DAB1: variants seen among roughly 807,000 people sequenced by gnomAD.
The protein encoded by DAB1 is disabled homolog 1.
In DAB1, 15 loss-of-function variants were observed where a neutral mutation model predicts 64.6. That is an observed-to-expected ratio of 0.23 (90% CI 0.16 to 0.36). The LOEUF is 0.36. Among genes scored for constraint, DAB1 ranks in the 10% least tolerant of loss-of-function variants. DAB1 has a pLI of 1.00. For synonymous variants in DAB1, 235 were observed against 251.9 expected (o/e 0.93, Z 0.64); for missense variants, 596 against 706.7 (o/e 0.84, Z 1.78).
intron 5 of DAB1, among the ~76,000 whole-genome samples, chr1:57,948,433 T>C (rs545641318): frequency 3.0e-4 from 45 of 152,342 alleles, no homozygotes; most frequent in Middle Eastern, 3.4e-3. Context: ...GAATTGGAAA[T>C]GGCTCTTGTG....
At chr1:57,547,116 G>T (rs1474511904) in intron 7 of DAB1, among the ~76,000 whole-genome samples, 1 of 149,350 alleles carries the variant, frequency 6.7e-6, no homozygotes, top group Non-Finnish European at 1.5e-5. Context: ...AGAAGGCAAG[G>T]GGGAGAGAGA....
At chr1:58,180,855 T>C (rs961024178) in intron 4 of DAB1, among the ~76,000 whole-genome samples, 2 of 152,220 alleles carry the variant, frequency 1.3e-5, no homozygotes, top group Non-Finnish European at 2.9e-5. Context: ...ACTTCAATTA[T>C]TTTCAATTTA....
intron 3 of DAB1, among the ~76,000 whole-genome samples, chr1:58,491,979 A>C (rs1645702072): frequency 6.6e-6 from 1 of 152,196 alleles, no homozygotes; most frequent in East Asian, 1.9e-4. Context: ...TCAGCACCAC[A>C]CCACACCTAT....
chr1:58,358,693 T>A (rs1644133696), intron 3 of DAB1, among the ~76,000 whole-genome samples: 2 of 152,176 alleles, frequency 1.3e-5, no homozygotes, highest in African/African-American at 4.8e-5. Context: ...GCCTCCCAAC[T>A]GAGAACTGTT....
At chr1:57,196,573 G>A (rs749553438) in intron 2 of DAB1, among the ~76,000 whole-genome samples, 9 of 152,232 alleles carry the variant, frequency 5.9e-5, no homozygotes, top group South Asian at 2.1e-4. Context: ...CAACACGGGT[G>A]TAGGCAATCC....
chr1:57,480,752 T>C (rs1644007511), intron 7 of DAB1, among the ~76,000 whole-genome samples: 2 of 152,164 alleles, frequency 1.3e-5, no homozygotes, highest in African/African-American at 4.8e-5. Flanking sequence ...CACAAAGTGT[T>C]GCGATTATAG....
At chr1:57,181,153 G>A (rs968391980) in intron 2 of DAB1, among the ~76,000 whole-genome samples, 1 of 152,222 alleles carries the variant, frequency 6.6e-6, no homozygotes, top group African/African-American at 2.4e-5. Flanking sequence ...CTTGATAAAA[G>A]TGGAAGGGAA....
At chr1:57,839,967 G>A (rs1015252410) in intron 1 of DAB1, among the ~76,000 whole-genome samples, 6 of 152,184 alleles carry the variant, frequency 3.9e-5, no homozygotes, top group Non-Finnish European at 8.8e-5. Flanking sequence ...AGACAGGCAT[G>A]GAGGGAGCCT....
At chr1:57,242,098 A>G (rs1437194201) in intron 2 of DAB1, among the ~76,000 whole-genome samples, 5 of 152,186 alleles carry the variant, frequency 3.3e-5, no homozygotes, top group East Asian at 1.9e-4. Flanking sequence ...TATATATTAT[A>G]TATGAAAAGG....
At chr1:57,320,881 G>A (rs192634720) in intron 1 of DAB1, among the ~76,000 whole-genome samples, 10 of 152,258 alleles carry the variant, frequency 6.6e-5, no homozygotes, top group Non-Finnish European at 1.2e-4. Flanking sequence ...CCAGGTTACA[G>A]GGCTAGTAAA....
intron 4 of DAB1, among the ~76,000 whole-genome samples, chr1:58,197,410 T>TG (rs1657742740): frequency 6.6e-6 from 1 of 151,466 alleles, no homozygotes; most frequent in Admixed American, 6.6e-5. Flanking sequence ...TTACACTTTT[T>TG]TTTTTTTTAA....
At chr1:58,050,419 G>C (rs1319064383) in intron 5 of DAB1, among the ~76,000 whole-genome samples, 1 of 152,102 alleles carries the variant, frequency 6.6e-6, no homozygotes, top group East Asian at 1.9e-4. Flanking sequence ...GAAATATGAT[G>C]GGATTTTGGA....
intron 4 of DAB1, among the ~76,000 whole-genome samples, chr1:58,318,504 G>A (rs758013973): frequency 1.3e-5 from 2 of 152,198 alleles, no homozygotes; most frequent in Admixed American, 6.5e-5. Context: ...CCTGCCCTCC[G>A]GGGCATATTC....
intron 1 of DAB1, among the ~76,000 whole-genome samples, chr1:57,397,828 A>G (rs1319955922): frequency 1.3e-5 from 2 of 152,254 alleles, no homozygotes; most frequent in Non-Finnish European, 2.9e-5. Flanking sequence ...CTTAGCTGTT[A>G]ATATTAAATG....
chr1:57,724,486 C>A (rs1490964614), intron 6 of DAB1, among the ~76,000 whole-genome samples: 1 of 152,128 alleles, frequency 6.6e-6, no homozygotes, highest in Non-Finnish European at 1.5e-5. Context: ...TGCCTTGCTC[C>A]TCCCTGGAGA....
chr1:57,262,824 T>G (rs924346184), intron 2 of DAB1, among the ~76,000 whole-genome samples: 1 of 152,118 alleles, frequency 6.6e-6, no homozygotes, highest in African/African-American at 2.4e-5. Context: ...GGAAGCATTC[T>G]CCAATGCTGA....
At chr1:57,762,163 A>G (rs926831317) in intron 6 of DAB1, among the ~76,000 whole-genome samples, 2 of 152,120 alleles carry the variant, frequency 1.3e-5, no homozygotes, top group African/African-American at 4.8e-5. Context: ...TTAAAAAGTA[A>G]TTTTCTCACA....
upstream of DAB1, among the ~76,000 whole-genome samples, chr1:57,428,768 C>T (rs189603815): frequency 1.3e-5 from 2 of 148,408 alleles, no homozygotes. Context: ...TACCAATTTA[C>T]AGTCCCACCA....
chr1:57,692,502 G>C (rs1646776426), intron 6 of DAB1, among the ~76,000 whole-genome samples: 1 of 152,110 alleles, frequency 6.6e-6, no homozygotes, highest in Admixed American at 6.6e-5. Flanking sequence ...CAAAGAGAGA[G>C]AGGAAGAGAC....
Sources: gnomAD v4.1 joint callset for allele counts (sites outside exome capture counted in the v4.1 genomes callset) on GRCh38, gnomAD v4.1.1 for gene constraint, MANE v1.5 for transcripts, NCBI Gene and HGNC (gene_info 2026-07-23, HGNC 2026-07-21) for gene names.